LRBA: variants seen among roughly 807,000 people sequenced by gnomAD.
LRBA encodes LPS responsive beige-like anchor protein, also known as lipopolysaccharide-responsive and beige-like anchor protein.
In LRBA, 176 loss-of-function variants were observed where a neutral mutation model predicts 330.0. That is an observed-to-expected ratio of 0.53 (90% confidence interval 0.47 to 0.60). The LOEUF (loss-of-function observed/expected upper bound fraction) is 0.60. LRBA is among the 20% of genes least tolerant of loss of function. LRBA has a pLI of 0.00. For missense variants in LRBA, 3,259 were observed against 3,444.8 expected, an observed-to-expected ratio of 0.95 and a Z score of 1.35; for synonymous variants, 1,230 against 1,193.0, an observed-to-expected ratio of 1.03 and a Z score of -0.64.
At chr4:150,800,243 T>C (rs752201945) in intron 33 of LRBA, among the ~76,000 whole-genome samples, 1 of 152,214 alleles carries the variant, frequency 6.6e-6, no homozygotes, top group Non-Finnish European at 1.5e-5. Context: ...ATAGTTCGGT[T>C]TGAACAATTA....
chr4:150,594,459 G>A (rs1396587462), intron 38 of LRBA, among the ~76,000 whole-genome samples: 1 of 151,884 alleles, frequency 6.6e-6, no homozygotes, highest in Non-Finnish European at 1.5e-5. Flanking sequence ...TATCTTCTGT[G>A]AGCATATTCT....
chr4:150,831,187 T>C (rs1474307724), intron 29 of LRBA, among the ~76,000 whole-genome samples: 1 of 151,242 alleles, frequency 6.6e-6, no homozygotes, highest in Non-Finnish European at 1.5e-5. Flanking sequence ...ATTTTTACCA[T>C]CTTTATTACT....
chr4:150,423,847 C>G (rs1249493889), intron 46 of LRBA, among the ~76,000 whole-genome samples: 1 of 152,038 alleles, frequency 6.6e-6, no homozygotes, highest in Non-Finnish European at 1.5e-5. Context: ...CCCCCCACCG[C>G]CCGAGAATAC....
chr4:150,421,753 C>A (rs1352043867), intron 46 of LRBA, among the ~76,000 whole-genome samples: 1 of 152,078 alleles, frequency 6.6e-6, no homozygotes, highest in African/African-American at 2.4e-5. Flanking sequence ...CTGAGCACCC[C>A]AGGAAGGTGC....
intron 30 of LRBA, among the ~76,000 whole-genome samples, chr4:150,821,768 G>A (rs569715133): frequency 6.6e-6 from 1 of 152,166 alleles, no homozygotes; most frequent in South Asian, 2.1e-4. Flanking sequence ...ATAAATCCCT[G>A]GCATTCACTA....
intron 37 of LRBA, among the ~76,000 whole-genome samples, chr4:150,645,526 T>C (rs1779042817): frequency 6.6e-6 from 1 of 151,994 alleles, no homozygotes; most frequent in Non-Finnish European, 1.5e-5. Flanking sequence ...ATTTTTCAGA[T>C]ACTGATGCAA....
chr4:150,918,732 G>A (rs1243637828), intron 5 of LRBA, among the ~76,000 whole-genome samples: 2 of 152,198 alleles, frequency 1.3e-5, no homozygotes, highest in Non-Finnish European at 2.9e-5. Context: ...CTGGGTGACA[G>A]AGCAAGACTT....
intron 17 of LRBA, among the ~76,000 whole-genome samples, chr4:150,884,910 T>C (rs376084457): frequency 3.2e-4 from 49 of 151,842 alleles, no homozygotes; most frequent in African/African-American, 4.6e-4. Flanking sequence ...AATGAAAAAA[T>C]AGTATGTTCA....
intron 37 of LRBA, among the ~76,000 whole-genome samples, chr4:150,655,279 G>C (rs758629800): frequency 1.1e-4 from 16 of 152,150 alleles, no homozygotes; most frequent in Non-Finnish European, 1.0e-4. Context: ...TTTCTACCTT[G>C]TTTTGTTCAT....
At chr4:150,886,670 A>G (rs1728970588) in intron 17 of LRBA, among the ~76,000 whole-genome samples, 1 of 152,208 alleles carries the variant, frequency 6.6e-6, no homozygotes, top group Non-Finnish European at 1.5e-5. Context: ...CACAGAGAAG[A>G]GGTGGAACTT....
At position 150,871,363 on chromosome 4, in the gene LRBA, T is replaced by C. The variant is rs772683525; in HGVS notation, c.2349A>G (p.Thr783=). 1 of 1,606,544 alleles carries C rather than the reference T, an allele frequency of 6.2e-7. No individual in the cohort carries two copies. Among genetic ancestry groups the C allele is most frequent in the Non-Finnish European group, 8.5e-7 (1 of 1,173,426 alleles). Residue 783 remains threonine (T), a synonymous_variant, in exon 19 of 57, where the codon ACA becomes ACG. Coordinates refer to ENST00000651943, the MANE Select transcript of LRBA (RefSeq NM_001364905.1). ...MLQTNLITMT[T]YNVLFEILIE... ...TTCCTACCTCAAACAGCACATTATA[T>C]GTGGTCATTGTGATTAAATTTGTCT...
chr4:150,344,166 T>A (rs1243408793), intron 48 of LRBA, among the ~76,000 whole-genome samples: 2 of 152,304 alleles, frequency 1.3e-5, no homozygotes, highest in South Asian at 2.1e-4. Flanking sequence ...TAAAAAAAAA[T>A]TATCCTTTAG....
intron 47 of LRBA, among the ~76,000 whole-genome samples, chr4:150,367,986 C>T (rs1223920931): frequency 6.6e-6 from 1 of 151,990 alleles, no homozygotes; most frequent in African/African-American, 2.4e-5. Context: ...AAGACATAGA[C>T]TAAGAAATAG....
chr4:150,788,529 G>A (rs1410036720), intron 34 of LRBA, among the ~76,000 whole-genome samples: 2 of 152,064 alleles, frequency 1.3e-5, no homozygotes, highest in Admixed American at 6.5e-5. Context: ...AAATCTAAGA[G>A]ACGGGCAAAT....
intron 2 of LRBA, among the ~76,000 whole-genome samples, chr4:150,951,605 T>C (rs1736844588): frequency 6.6e-6 from 1 of 152,168 alleles, no homozygotes; most frequent in African/African-American, 2.4e-5. Flanking sequence ...AAGACCTACC[T>C]ATAAACAACA....
chr4:150,908,538 C>A, intron 10 of LRBA, 71 bp from the exon 11 acceptor site: 2 of 1,485,470 alleles, frequency 1.3e-6, no homozygotes, highest in Non-Finnish European at 9.1e-7. Flanking sequence ...TAAGGCACAA[C>A]AATAAATGCA....
intron 47 of LRBA, among the ~76,000 whole-genome samples, chr4:150,351,673 A>G (rs1737198324): frequency 6.6e-6 from 1 of 152,198 alleles, no homozygotes. Context: ...TGGGTGACAG[A>G]GTGAGACTCC....
intron 34 of LRBA, among the ~76,000 whole-genome samples, chr4:150,776,645 T>A (rs1394550879): frequency 6.6e-6 from 1 of 151,932 alleles, no homozygotes; most frequent in Admixed American, 6.6e-5. Flanking sequence ...AAACCCCATC[T>A]CTACTGAAAA....
intron 48 of LRBA, among the ~76,000 whole-genome samples, chr4:150,334,028 C>T (rs538701771): frequency 6.6e-4 from 101 of 152,180 alleles, no homozygotes; most frequent in African/African-American, 2.4e-3. Flanking sequence ...ACCAGACTCC[C>T]ACTTAACCTT....
Sources: allele counts gnomAD v4.1 joint callset (sites outside exome capture counted in the v4.1 genomes callset), GRCh38; gene constraint gnomAD v4.1.1; transcripts MANE v1.5; gene names NCBI Gene and HGNC (gene_info 2026-07-23, HGNC 2026-07-21).